Variants in TNIK observed in about 807,000 individuals in gnomAD.
TNIK encodes TRAF2 and NCK interacting kinase, also known as TRAF2 and NCK-interacting protein kinase.
TNIK carries 49 observed loss-of-function variants against 191.3 expected under a neutral mutation model. That is an observed-to-expected ratio of 0.26 (90% CI 0.20 to 0.32). The LOEUF is 0.32. Ranked by LOEUF, TNIK falls within the 10% of genes least tolerant of loss-of-function variation. TNIK has a pLI of 1.00. For missense variants in TNIK, 1,155 were observed against 1,702.3 expected (o/e 0.68, Z 5.66); for synonymous variants, 594 against 600.9 (o/e 0.99, Z 0.17).
At chr3:171,453,215 C>G (rs1190762968) in intron 1 of TNIK, among the ~76,000 whole-genome samples, 2 of 152,126 alleles carry the variant, frequency 1.3e-5, no homozygotes, top group Non-Finnish European at 2.9e-5. Flanking sequence ...CAAACGTTGC[C>G]TCTAAAAAGG....
chr3:171,287,352 G>A (rs1751130657), intron 2 of TNIK, among the ~76,000 whole-genome samples: 1 of 152,150 alleles, frequency 6.6e-6, no homozygotes, highest in Non-Finnish European at 1.5e-5. Context: ...GGACTCAGAT[G>A]TATCTAATCA....
At chr3:171,086,068 T>G (rs1703678566) in intron 24 of TNIK, among the ~76,000 whole-genome samples, 1 of 152,224 alleles carries the variant, frequency 6.6e-6, no homozygotes, top group African/African-American at 2.4e-5. Context: ...TTCTTGTCCT[T>G]TAACATCATA....
chr3:171,132,051 C>A (rs1729380065), intron 15 of TNIK, among the ~76,000 whole-genome samples: 1 of 152,156 alleles, frequency 6.6e-6, no homozygotes, highest in Non-Finnish European at 1.5e-5. Context: ...TGTTTCAATG[C>A]CTGAGGATGT....
At chr3:171,248,443 A>G (rs2109071130) in intron 2 of TNIK, among the ~76,000 whole-genome samples, 1 of 152,368 alleles carries the variant, frequency 6.6e-6, no homozygotes, top group African/African-American at 2.4e-5. Context: ...TTATGGAAGA[A>G]CAAAGGATAA....
intron 1 of TNIK, among the ~76,000 whole-genome samples, chr3:171,417,536 T>A (rs1035769160): frequency 6.6e-6 from 1 of 152,188 alleles, no homozygotes; most frequent in Admixed American, 6.5e-5. Flanking sequence ...AACTTATAGT[T>A]ATAAAAAAAA....
intron 21 of TNIK, among the ~76,000 whole-genome samples, chr3:171,104,728 AAACTATT>A (rs1192641426): frequency 1.3e-5 from 2 of 152,010 alleles, no homozygotes; most frequent in Admixed American, 1.3e-4. Context: ...TCTTTGTATT[AAACTATT>A]TTCTTTTTAG....
intron 10 of TNIK, among the ~76,000 whole-genome samples, chr3:171,164,305 A>G (rs1734351835): frequency 6.6e-6 from 1 of 152,090 alleles, no homozygotes; most frequent in Non-Finnish European, 1.5e-5. Context: ...GGCTTCAATC[A>G]CTCTTATTTA....
chr3:171,459,914 CCCCCTGCCCCAG>C, intron 1 of TNIK, 81 bp downstream of exon 1: 7 of 1,054,244 alleles, frequency 6.6e-6, no homozygotes, highest in Non-Finnish European at 9.7e-6. Context: ...CCGCTGCTGT[CCCCCTGCCCCAG>C]CCCCAGCCCC....
intron 5 of TNIK, among the ~76,000 whole-genome samples, chr3:171,191,667 T>C (rs1264495794): frequency 6.6e-6 from 1 of 152,258 alleles, no homozygotes; most frequent in East Asian, 1.9e-4. Flanking sequence ...TTGGCATTCA[T>C]CACTGTCATT....
chr3:171,443,132 A>G (rs1727041140), intron 1 of TNIK, among the ~76,000 whole-genome samples: 1 of 152,184 alleles, frequency 6.6e-6, no homozygotes, highest in East Asian at 1.9e-4. Context: ...TGGAGCTACC[A>G]ATTTAAAGAA....
chr3:171,263,540 G>A (rs999018426), intron 2 of TNIK, among the ~76,000 whole-genome samples: 5 of 151,992 alleles, frequency 3.3e-5, no homozygotes, highest in Admixed American at 2.0e-4. Flanking sequence ...TTATCCATTT[G>A]ACACATTTTT....
At chr3:171,334,319 T>TA (rs1756729163) in intron 2 of TNIK, among the ~76,000 whole-genome samples, 1 of 152,090 alleles carries the variant, frequency 6.6e-6, no homozygotes, top group Non-Finnish European at 1.5e-5. Context: ...ACTGTGACCG[T>TA]AGAAACTGGA....
At chr3:171,099,700 C>T (rs540749712) in intron 22 of TNIK, among the ~76,000 whole-genome samples, 33 of 152,188 alleles carry the variant, frequency 2.2e-4, no homozygotes, top group African/African-American at 7.7e-4. Flanking sequence ...CCTATGCAGG[C>T]GGGGCTGTGA....
chr3:171,218,882 T>C (rs545575099), intron 3 of TNIK, among the ~76,000 whole-genome samples: 1 of 131,076 alleles, frequency 7.6e-6, no homozygotes, highest in Admixed American at 8.6e-5. Context: ...ATTTTATTTT[T>C]ATATATTATA....
At chr3:171,219,108 A>G (rs1272721454) in intron 3 of TNIK, among the ~76,000 whole-genome samples, 1 of 133,836 alleles carries the variant, frequency 7.5e-6, no homozygotes, top group East Asian at 2.0e-4. Flanking sequence ...AATTATAAAT[A>G]TATATTTTAT....
In TNIK at chr3:171,325,989, G is replaced by T. The variant is rs540429815; in HGVS notation, c.123+43631C>A. ...CTATCCAGAATTCATAACAACTGAG[G>T]TCCATAATGATGCCCTTGGGTCTTC... On this transcript the variant is annotated intron_variant, in intron 2 of 32. Coordinates refer to ENST00000436636, the MANE Select transcript of TNIK (RefSeq NM_015028.4). 9.2e-5 allele frequency among the ~76,000 whole-genome samples: 14 copies of T among 152,270 alleles called. No homozygotes were observed. In the East Asian group the frequency reaches 2.1e-3, roughly 23 times the overall value.
intron 2 of TNIK, among the ~76,000 whole-genome samples, chr3:171,280,596 T>G (rs974390062): frequency 2.0e-5 from 3 of 152,058 alleles, no homozygotes; most frequent in Non-Finnish European, 4.4e-5. Flanking sequence ...GTTATTCCTG[T>G]TGATACCAAC....
At chr3:171,160,062 GA>G (rs936448074) in intron 11 of TNIK, among the ~76,000 whole-genome samples, 2 of 152,220 alleles carry the variant, frequency 1.3e-5, no homozygotes, top group Non-Finnish European at 2.9e-5. Context: ...CAACTTCTCT[GA>G]AAGCAGGGCG....
intron 10 of TNIK, among the ~76,000 whole-genome samples, chr3:171,163,056 C>G (rs1175851646): frequency 6.6e-6 from 1 of 152,166 alleles, no homozygotes; most frequent in Non-Finnish European, 1.5e-5. Flanking sequence ...AAAGGACACT[C>G]TAAGCAACAT....
Sources: gnomAD v4.1 joint callset for allele counts (sites outside exome capture counted in the v4.1 genomes callset) on GRCh38, gnomAD v4.1.1 for gene constraint, MANE v1.5 for transcripts, NCBI Gene and HGNC (gene_info 2026-07-23, HGNC 2026-07-21) for gene names.